Variants in PPFIBP2 observed in about 807,000 individuals in gnomAD.
PPFIBP2 encodes the protein liprin-beta-2.
Under a neutral mutation model 118.3 loss-of-function variants are expected in PPFIBP2, and 118 were observed. That is an observed-to-expected ratio of 1.00 (90% CI 0.86 to 1.16). The LOEUF (loss-of-function observed/expected upper bound fraction) is 1.16. PPFIBP2 is among the 50% of genes most tolerant of loss of function. PPFIBP2 has a pLI of 0.00. For missense variants in PPFIBP2, 1,195 were observed against 1,073.1 expected, an observed-to-expected ratio of 1.11 and a Z score of -1.59; for synonymous variants, 414 against 397.4, an observed-to-expected ratio of 1.04 and a Z score of -0.50.
intron 1 of PPFIBP2, among the ~76,000 whole-genome samples, chr11:7,546,686 G>A (rs543964125): frequency 2.0e-5 from 3 of 152,340 alleles, no homozygotes; most frequent in East Asian, 1.9e-4. Flanking sequence ...GTGCTCCTGC[G>A]TAATCTCATC....
downstream of PPFIBP2, chr11:7,655,486 TCAC>T: frequency 7.8e-7 from 1 of 1,289,802 alleles, no homozygotes; most frequent in Non-Finnish European, 1.0e-6. Context: ...CCCAAGACAT[TCAC>T]CGCCTTACGG....
intron 4 of PPFIBP2, chr11:7,597,097 C>T (rs1294708195): frequency 1.1e-4 from 135 of 1,282,554 alleles, no homozygotes; most frequent in Non-Finnish European, 1.4e-4. Flanking sequence ...AAAACACTCA[C>T]CTGATAGGTG....
At chr11:7,520,144 T>C (rs1014058918) in intron 1 of PPFIBP2, among the ~76,000 whole-genome samples, 17 of 152,270 alleles carry the variant, frequency 1.1e-4, no homozygotes, top group African/African-American at 3.9e-4. Flanking sequence ...AACATGCTGT[T>C]TTAATGAGCG....
chr11:7,589,931 CTT>C (rs989814330), intron 3 of PPFIBP2, among the ~76,000 whole-genome samples: 2 of 152,054 alleles, frequency 1.3e-5, no homozygotes, highest in Admixed American at 1.3e-4. Flanking sequence ...CTAACTCAGT[CTT>C]TTAAAATATT....
intron 13 of PPFIBP2, among the ~76,000 whole-genome samples, chr11:7,635,102 G>A (rs1851282298): frequency 6.6e-6 from 1 of 152,140 alleles, no homozygotes; most frequent in Non-Finnish European, 1.5e-5. Context: ...CATGTGGGTG[G>A]ACCTCATGCT....
intron 17 of PPFIBP2, among the ~76,000 whole-genome samples, chr11:7,644,777 C>G (rs976793082): frequency 1.1e-4 from 16 of 151,968 alleles, no homozygotes; most frequent in Admixed American, 3.3e-4. Flanking sequence ...CCTGTAATCC[C>G]AGCACTTTGG....
the PPFIBP2 span, among the ~76,000 whole-genome samples, chr11:7,662,805 C>T: frequency 4.3e-4 from 66 of 151,920 alleles, no homozygotes; most frequent in African/African-American, 1.6e-3. Context: ...TAGATTTGGT[C>T]TTTTCACATA....
chr11:7,531,888 C>T (rs538737511), intron 1 of PPFIBP2, among the ~76,000 whole-genome samples: 245 of 151,526 alleles, frequency 1.6e-3, no homozygotes, highest in Non-Finnish European at 2.6e-3. Context: ...CATGCTGGAG[C>T]GCAGTGGCAC....
chr11:7,648,611 T>C, intron 18 of PPFIBP2, 74 bp downstream of exon 18: 1 of 1,578,650 alleles, frequency 6.3e-7, no homozygotes, highest in South Asian at 1.1e-5. Context: ...CCGCCACTCC[T>C]GTCACACATA....
chr11:7,561,629 A>G (rs540024790), intron 2 of PPFIBP2, among the ~76,000 whole-genome samples: 1 of 152,280 alleles, frequency 6.6e-6, no homozygotes, highest in South Asian at 2.1e-4. Context: ...TGTGAGGGTA[A>G]TTCTAGCCAC....
intron 15 of PPFIBP2, 26 bp from the exon 16 acceptor site, chr11:7,641,453 C>T (rs780779598): frequency 3.7e-6 from 6 of 1,612,806 alleles, no homozygotes; most frequent in East Asian, 4.5e-5. Context: ...CTTACATTCA[C>T]ATTCATTGCC....
intron 21 of PPFIBP2, 53 bp from the exon 22 acceptor site, chr11:7,650,787 C>T: frequency 6.3e-7 from 1 of 1,591,156 alleles, no homozygotes; most frequent in Non-Finnish European, 8.6e-7. Context: ...CACAGAGGAC[C>T]ATGGTGGGAC....
chr11:7,610,019 T>C (rs974722552), intron 5 of PPFIBP2, among the ~76,000 whole-genome samples: 2 of 152,226 alleles, frequency 1.3e-5, no homozygotes, highest in African/African-American at 2.4e-5. Context: ...ATGGAAATAA[T>C]GAATAATGGT....
chr11:7,561,117 G>T (rs1854253061), intron 2 of PPFIBP2, among the ~76,000 whole-genome samples: 1 of 152,190 alleles, frequency 6.6e-6, no homozygotes. Flanking sequence ...GCCCAGGCTG[G>T]AGTGCAATGG....
chr11:7,578,109 A>G (rs1856723087), intron 3 of PPFIBP2, among the ~76,000 whole-genome samples: 1 of 152,210 alleles, frequency 6.6e-6, no homozygotes, highest in Admixed American at 6.5e-5. Context: ...TTCCGGAGGA[A>G]AGCTTTCAGG....
chr11:7,593,020 A>G, intron 3 of PPFIBP2, 112 bp from the exon 4 acceptor site: 1 of 1,429,556 alleles, frequency 7.0e-7, no homozygotes, highest in Non-Finnish European at 9.4e-7. Context: ...TTTTGTACAT[A>G]TAATCAGTGA....
chr11:7,538,486 C>T (rs1159522924), intron 1 of PPFIBP2: 1 of 152,660 alleles, frequency 6.6e-6, no homozygotes, highest in Non-Finnish European at 1.5e-5. Flanking sequence ...GCTTAAAGGG[C>T]TGTGGTTTGG....
intron 1 of PPFIBP2, among the ~76,000 whole-genome samples, chr11:7,530,299 C>CA (rs2134333904): frequency 6.6e-6 from 1 of 152,078 alleles, no homozygotes; most frequent in South Asian, 2.1e-4. Flanking sequence ...TTACCCAAGG[C>CA]AAAAAACGAA....
At chr11:7,601,845 G>A (rs1015666764) in intron 5 of PPFIBP2, among the ~76,000 whole-genome samples, 2 of 151,962 alleles carry the variant, frequency 1.3e-5, no homozygotes, top group Admixed American at 1.3e-4. Flanking sequence ...TGTAATCCCA[G>A]CACTTTGGGA....
Sources: allele counts gnomAD v4.1 joint callset (sites outside exome capture counted in the v4.1 genomes callset), GRCh38; gene constraint gnomAD v4.1.1; transcripts MANE v1.5; gene names NCBI Gene and HGNC (gene_info 2026-07-23, HGNC 2026-07-21).